ERI1: variants seen among roughly 807,000 people sequenced by gnomAD.
ERI1 encodes 3'-5' exoribonuclease 1.
A neutral mutation model predicts 39.7 loss-of-function variants in ERI1; 39 were observed. That is an observed-to-expected ratio of 0.98 (90% CI 0.76 to 1.28). ERI1 has a LOEUF of 1.28. ERI1 is among the 50% of genes most tolerant of loss of function. The pLI is 0.00. For synonymous variants in ERI1, 204 were observed against 149.6 expected (o/e 1.36, Z -2.65); for missense variants, 581 against 416.9 (o/e 1.39, Z -3.43).
At chr8:9,066,919 G>A (rs1028909974) in intron 3 of ERI1, among the ~76,000 whole-genome samples, 6 of 152,244 alleles carry the variant, frequency 3.9e-5, no homozygotes, top group Admixed American at 6.5e-5. Context: ...GAGGAAGCAC[G>A]AACGGTGACA....
At chr8:9,051,374 G>A (rs944690113) in intron 3 of ERI1, among the ~76,000 whole-genome samples, 1 of 151,780 alleles carries the variant, frequency 6.6e-6, no homozygotes, top group Non-Finnish European at 1.5e-5. Flanking sequence ...GCATGACTAA[G>A]GGCTGGGCGT....
At chr8:9,065,554 G>T (rs1798845317) in intron 3 of ERI1, among the ~76,000 whole-genome samples, 1 of 151,956 alleles carries the variant, frequency 6.6e-6, no homozygotes. Flanking sequence ...AATTAGCCAG[G>T]CGTAGTGGGG....
chr8:9,017,418 A>G (rs1418632080), intron 4 of ERI1, among the ~76,000 whole-genome samples: 1 of 152,126 alleles, frequency 6.6e-6, no homozygotes. Flanking sequence ...TAGTTCATTC[A>G]TTCACTCCAC....
chr8:9,071,811 A>T (rs1799059863), intron 3 of ERI1, among the ~76,000 whole-genome samples: 1 of 152,242 alleles, frequency 6.6e-6, no homozygotes, highest in Non-Finnish European at 1.5e-5. Context: ...CATGCCTGTA[A>T]TCCCAGCATT....
chr8:9,084,941 A>T (rs1799479214), intron 3 of ERI1, among the ~76,000 whole-genome samples: 2 of 152,138 alleles, frequency 1.3e-5, no homozygotes, highest in African/African-American at 4.8e-5. Context: ...TTATGGGACC[A>T]CCTTATAGCA....
At chr8:9,098,882 G>T (rs1334047645) in intron 3 of ERI1, among the ~76,000 whole-genome samples, 10 of 152,080 alleles carry the variant, frequency 6.6e-5, no homozygotes, top group African/African-American at 2.4e-4. Context: ...CACTCAGACT[G>T]GAGTGCAGTG....
At chr8:9,072,511 A>C (rs1354537856) in intron 3 of ERI1, 2 of 152,154 alleles carry the variant, frequency 1.3e-5, no homozygotes, top group African/African-American at 4.8e-5. Context: ...AAGAGCTGTA[A>C]CACGCGATTT....
At chr8:9,067,384 G>GTA (rs1237223531) in intron 3 of ERI1, among the ~76,000 whole-genome samples, 1 of 14,402 alleles carries the variant, frequency 6.9e-5, no homozygotes, top group Non-Finnish European at 1.0e-4. Flanking sequence ...CTGTGTGCAT[G>GTA]TGTGTGTGTG....
At chr8:9,025,705 TGTGTG>T (rs1462691760) in intron 6 of ERI1, among the ~76,000 whole-genome samples, 10 of 146,872 alleles carry the variant, frequency 6.8e-5, no homozygotes, top group Admixed American at 4.1e-4. Context: ...TTTTTTTTTG[TGTGTG>T]TGTGTGTGTG....
At chr8:9,038,951 A>G (rs1797936529) in intron 3 of ERI1, among the ~76,000 whole-genome samples, 1 of 152,226 alleles carries the variant, frequency 6.6e-6, no homozygotes, top group African/African-American at 2.4e-5. Context: ...CGTGACAAAA[A>G]TCACATTGTG....
intron 5 of ERI1, among the ~76,000 whole-genome samples, chr8:9,019,209 C>T (rs1471367858): frequency 3.3e-5 from 5 of 152,110 alleles, no homozygotes; most frequent in East Asian, 1.9e-4. Context: ...AGGGCAACTC[C>T]GATACCTTAA....
chr8:9,018,393 C>G lies in ERI1; in HGVS notation c.679C>G (p.Leu227Val), dbSNP rs1325697183. The change falls in exon 5 of 7, where the codon CTT becomes GTT. Residue 227 changes from leucine to valine, a missense_variant. Coordinates refer to ENST00000250263, the MANE Select transcript of ERI1 (RefSeq NM_153332.4). ...KELGTKYKYSLLTDGSWDMSK... is the reference protein window; with the variant it reads ...KELGTKYKYSVLTDGSWDMSK... ...ATTAGGAACAAAGTATAAATACTCA[C>G]TTTTAACAGATGGGTAAGTATTTAG... The G allele has an allele frequency of 4.5e-6, 7 of 1,560,206 alleles. No homozygotes were observed. The highest frequency in any genetic ancestry group is 4.4e-6 in the Non-Finnish European group (5 of 1,132,874).
intron 3 of ERI1, among the ~76,000 whole-genome samples, chr8:9,051,749 A>C (rs552489742): frequency 6.6e-6 from 1 of 151,472 alleles, no homozygotes; most frequent in South Asian, 2.1e-4. Context: ...TTGTATGTTT[A>C]GATCTTTGTA....
At chr8:9,058,194 T>C (rs1798574245) in intron 3 of ERI1, among the ~76,000 whole-genome samples, 1 of 152,184 alleles carries the variant, frequency 6.6e-6, no homozygotes. Flanking sequence ...AGCCCTCACG[T>C]GGCCCTGGAG....
intron 6 of ERI1, among the ~76,000 whole-genome samples, chr8:9,027,718 C>G (rs182373520): frequency 6.6e-6 from 1 of 152,268 alleles, no homozygotes; most frequent in South Asian, 2.1e-4. Context: ...TTCCCAACAC[C>G]GTTTGTTGAA....
chr8:9,019,358 ACAT>A (rs1421776814), intron 5 of ERI1, among the ~76,000 whole-genome samples: 5 of 152,246 alleles, frequency 3.3e-5, no homozygotes, highest in Non-Finnish European at 5.9e-5. Flanking sequence ...GAATTTAATC[ACAT>A]CATAACTGTT....
In ERI1 at chr8:9,031,453, AG is replaced by A. The variant is rs2117311374; in HGVS notation, c.*1420del. 6.6e-6 allele frequency: 1 copy of A among 152,344 alleles called. No individual in the cohort carries two copies. Among genetic ancestry groups the A allele is most frequent in the African/African-American group, 2.4e-5 (1 of 41,586 alleles). 9.4% of individuals were successfully genotyped at this position (152,344 alleles called of 1,614,324 possible). A position where few individuals can be genotyped will look rare whatever the true frequency, so the allele number is the denominator to read the frequency against. ...TCCTAGATGAACTGTTACAGATTAT[AG>A]TAAAATAAGGAAATCTAAGTGCTTT... On this transcript the variant is annotated 3_prime_UTR_variant, in exon 7 of 7. Transcript: ENST00000250263.
chr8:9,040,968 G>A (rs1193702870), intron 3 of ERI1, among the ~76,000 whole-genome samples: 1 of 152,152 alleles, frequency 6.6e-6, no homozygotes, highest in Non-Finnish European at 1.5e-5. Context: ...ACTCAGTCCT[G>A]GGCCATGCTG....
At chr8:9,027,344 T>C (rs2117287493) in intron 6 of ERI1, among the ~76,000 whole-genome samples, 1 of 152,278 alleles carries the variant, frequency 6.6e-6, no homozygotes, top group Non-Finnish European at 1.5e-5. Flanking sequence ...CTAAATGAGG[T>C]ATCATGATGT....
Sources: allele counts gnomAD v4.1 joint callset (sites outside exome capture counted in the v4.1 genomes callset), GRCh38; gene constraint gnomAD v4.1.1; transcripts MANE v1.5; gene names NCBI Gene and HGNC (gene_info 2026-07-23, HGNC 2026-07-21).